Variants in REST observed in about 807,000 individuals in gnomAD.
The protein encoded by REST is RE1 silencing transcription factor, also known as RE1-silencing transcription factor.
REST carries 1 observed loss-of-function variant against 30.4 expected under a neutral mutation model. The observed-to-expected ratio is 0.03, with a 90% CI of 0.01 to 0.16. The LOEUF (loss-of-function observed/expected upper bound fraction) is 0.16, where lower values mean the gene tolerates loss of function less well. Among genes scored for constraint, REST ranks in the 10% least tolerant of loss-of-function variants. The pLI, the probability that REST is intolerant of heterozygous loss-of-function variation, is 1.00. For synonymous variants in REST, 504 were observed against 451.1 expected, an observed-to-expected ratio of 1.12 and a Z score of -1.49; for missense variants, 1,259 against 1,329.5, an observed-to-expected ratio of 0.95 and a Z score of 0.82.
At chr4:56,910,567 GT>G in intron 1 of REST, 62 bp from the exon 2 acceptor site, 2 of 1,390,842 alleles carry the variant, frequency 1.4e-6, no homozygotes, top group South Asian at 1.4e-5. Flanking sequence ...CAGCGATGTG[GT>G]TTTAAGCCAG....
chr4:56,932,414 C>A lies in REST; in HGVS notation c.*262C>A. On this transcript the variant is annotated 3_prime_UTR_variant, in exon 4 of 4. Transcript: ENST00000309042. ...AAATTAGAAGGCTAAGATGGTATAA[C>A]AGCATTTTATTGCTTTGTCCAGCTA... 3.1e-6 allele frequency: 1 copy of A among 319,866 alleles called. No individual in the cohort carries two copies. The highest frequency in any genetic ancestry group is 5.7e-6 in the Non-Finnish European group (1 of 175,910). 19.8% of individuals were successfully genotyped at this position (319,866 alleles called of 1,614,324 possible).
chr4:56,931,360 G>A lies in REST; in HGVS notation c.2502G>A (p.Glu834=), dbSNP rs201377151. The change falls in exon 4 of 4, where the codon GAG becomes GAA. Residue 834 remains glutamate (E), a synonymous_variant. Coordinates refer to ENST00000309042, the MANE Select transcript of REST (RefSeq NM_005612.5). The part of the protein sequence containing the change: ...SNMQSERARK[E]QVLIEVGLVP... The stretch of plus-strand genomic sequence containing the variant: ...TGCAGAGTGAAAGGGCACGGAAGGA[G>A]CAAGTCCTTATTGAAGTTGGCTTAG... The A allele has an allele frequency of 5.6e-6, 9 of 1,614,254 alleles. No homozygotes were observed. The African/African-American group carries it at 1.1e-4, about 19-fold the overall frequency.
chr4:56,913,485 GTACTC>G (rs1167029214), intron 2 of REST, among the ~76,000 whole-genome samples: 3 of 152,114 alleles, frequency 2.0e-5, no homozygotes, highest in Non-Finnish European at 4.4e-5. Flanking sequence ...GAATAATCCA[GTACTC>G]TACTCTTGGG....
At position 56,934,730 on chromosome 4, in the gene REST, G is replaced by A. The variant is rs1321015555; in HGVS notation, c.*2578G>A. On this transcript the variant is annotated 3_prime_UTR_variant, in exon 4 of 4. Transcript: ENST00000309042. ...TAGTCCCCCTCCCCCACACTGGATAGAATTTAGCCTAGAATTTTCCCTTTG... is the reference window on the plus strand; with the variant it reads ...TAGTCCCCCTCCCCCACACTGGATAAAATTTAGCCTAGAATTTTCCCTTTG... The A allele has an allele frequency of 6.6e-6, 1 of 152,128 alleles. No homozygotes were observed. Among genetic ancestry groups the A allele is most frequent in the Non-Finnish European group, 1.5e-5 (1 of 68,004 alleles). 9.4% of individuals were successfully genotyped at this position (152,128 alleles called of 1,614,324 possible).
In REST at chr4:56,930,986, C is replaced by G; in HGVS notation, c.2128C>G (p.Gln710Glu). The change falls in exon 4 of 4, where the codon CAG becomes GAG. Residue 710 changes from glutamine (Q) to glutamate (E), a missense_variant. Around this residue, in one of 5 missense-constraint regions of REST, gnomAD observed 856 missense variants for 772.8 expected, o/e 1.11. Transcript: ENST00000309042. The part of the protein sequence containing the change: ...QMGPAPMEPA[Q>E]MEVAQVESAP... The stretch of plus-strand genomic sequence containing the variant: ...GGGGCCTGCTCCCATGGAACCTGCT[C>G]AGATGGAGGTTGCCCAGGTAGAATC... 6.2e-7 allele frequency: 1 copy of G among 1,614,216 alleles called. No homozygotes were observed. The highest frequency in any genetic ancestry group is 1.1e-5 in the South Asian group (1 of 91,082).
intron 2 of REST, among the ~76,000 whole-genome samples, chr4:56,919,448 A>T (rs1025546254): frequency 1.3e-5 from 2 of 152,174 alleles, no homozygotes; most frequent in African/African-American, 2.4e-5. Flanking sequence ...GGTGATTCTT[A>T]ATATAACAAA....
chr4:56,921,157 CCTGGCCGAA>C (rs1339512050), intron 3 of REST, among the ~76,000 whole-genome samples: 1 of 152,048 alleles, frequency 6.6e-6, no homozygotes, highest in Non-Finnish European at 1.5e-5. Context: ...AGCCACCATG[CCTGGCCGAA>C]CTACCACTTC....
intron 2 of REST, among the ~76,000 whole-genome samples, chr4:56,917,406 C>T (rs942375332): frequency 6.6e-6 from 1 of 152,170 alleles, no homozygotes; most frequent in Non-Finnish European, 1.5e-5. Context: ...CTCACTGAAG[C>T]CTCGGCCTTC....
At position 56,932,691 on chromosome 4, in the gene REST, A is replaced by G. The variant is rs1721018722; in HGVS notation, c.*539A>G. ...ATTTACTTCCTGAGTTTTGATCAAT[A>G]TTTTTTATTTGTGTATGTTAATCGT... On this transcript the variant is annotated 3_prime_UTR_variant, in exon 4 of 4. Coordinates refer to ENST00000309042, the MANE Select transcript of REST (RefSeq NM_005612.5). 1 of 151,700 alleles carries G rather than the reference A, an allele frequency of 6.6e-6. No individual in the cohort carries two copies. The highest frequency in any genetic ancestry group is 6.6e-5 in the Admixed American group (1 of 15,224). The allele number at this position is 151,700 out of a possible 1,614,324, so 9.4% of individuals were successfully genotyped here. A position where few individuals can be genotyped will look rare whatever the true frequency, so the allele number is the denominator to read the frequency against.
intron 2 of REST, among the ~76,000 whole-genome samples, chr4:56,917,265 G>A (rs1392389458): frequency 6.6e-6 from 1 of 152,146 alleles, no homozygotes; most frequent in East Asian, 1.9e-4. Flanking sequence ...AGCTACCAGC[G>A]AATTACAGCA....
chr4:56,923,878 T>C (rs555283363), intron 3 of REST, among the ~76,000 whole-genome samples: 9 of 152,088 alleles, frequency 5.9e-5, no homozygotes, highest in South Asian at 4.2e-4. Flanking sequence ...CGTGCCACCA[T>C]GCCAGGCTAA....
chr4:56,909,246 A>C (rs1393811787), intron 1 of REST: 1 of 152,404 alleles, frequency 6.6e-6, no homozygotes, highest in African/African-American at 2.4e-5. Context: ...GAGCGGGCCG[A>C]GGCGAGAGGA....
chr4:56,911,686 CTT>C, intron 2 of REST, 150 bp downstream of exon 2: 2 of 638,330 alleles, frequency 3.1e-6, no homozygotes, highest in Admixed American at 2.9e-5. Context: ...TGTTTAACCT[CTT>C]TGTTCAGAAA....
intron 3 of REST, 83 bp from the exon 4 acceptor site, chr4:56,929,758 A>T: frequency 8.2e-7 from 1 of 1,226,350 alleles, no homozygotes; most frequent in Non-Finnish European, 1.1e-6. Context: ...CTTTGTTGTT[A>T]CTTTACATAT....
At chr4:56,918,497 A>T (rs1363599730) in intron 2 of REST, among the ~76,000 whole-genome samples, 1 of 152,122 alleles carries the variant, frequency 6.6e-6, no homozygotes, top group Non-Finnish European at 1.5e-5. Flanking sequence ...TGTCTCATAA[A>T]AAACAATAAA....
chr4:56,915,240 ATTTTTTTTTTT>A (rs1193678055), intron 2 of REST, among the ~76,000 whole-genome samples: 5 of 55,516 alleles, frequency 9.0e-5, no homozygotes, highest in Non-Finnish European at 1.6e-4. Context: ...GTGTGTGTGT[ATTTTTTTTTTT>A]TTTTTTTTTT....
Position 56,934,746 on chromosome 4 carries a change from T to A in REST, c.*2594T>A, listed in dbSNP as rs1423975229. 1 of 152,196 alleles carries A rather than the reference T, an allele frequency of 6.6e-6. No individual in the cohort carries two copies. Among genetic ancestry groups the A allele is most frequent in the East Asian group, 1.9e-4 (1 of 5,204 alleles). 9.4% of individuals were successfully genotyped at this position (152,196 alleles called of 1,614,324 possible). A position where few individuals can be genotyped will look rare whatever the true frequency, so the allele number is the denominator to read the frequency against. On this transcript the variant is annotated 3_prime_UTR_variant, in exon 4 of 4. Transcript: ENST00000309042. ...CACTGGATAGAATTTAGCCTAGAAT[T>A]TTCCCTTTGGATAAAAGAACAAAAA...
At chr4:56,919,685 G>A in intron 2 of REST, 102 bp from the exon 3 acceptor site, 2 of 567,166 alleles carry the variant, frequency 3.5e-6, no homozygotes, top group Non-Finnish European at 6.0e-6. Flanking sequence ...AAAAATTCTT[G>A]TTAAAATGTG....
chr4:56,931,764 C>G lies in REST; in HGVS notation c.2906C>G (p.Pro969Arg), dbSNP rs1299865863. ...GGTATAAATTCAACAGTTGAAGAAC[C>G]AGTTTCACCAATGCTTCCCCCTTCA... ...LTGINSTVEE[P>R]VSPMLPPSAV... The change falls in exon 4 of 4, where the codon CCA becomes CGA. Residue 969 changes from proline to arginine, a missense_variant. By Grantham distance (103) the Pro-to-Arg change is moderately radical. Transcript: ENST00000309042. 4 of 1,614,174 alleles carry G rather than the reference C, an allele frequency of 2.5e-6. No individual in the cohort carries two copies. The highest frequency in any genetic ancestry group is 1.7e-5 in the Admixed American group (1 of 60,026).
Sources: allele counts gnomAD v4.1 joint callset (sites outside exome capture counted in the v4.1 genomes callset), GRCh38; gene constraint gnomAD v4.1.1; regional missense constraint gnomAD v4.1.1; transcripts MANE v1.5; gene names NCBI Gene and HGNC (gene_info 2026-07-23, HGNC 2026-07-21).